The following RNF13 variants were observed in gnomAD, a reference collection of about 807,000 sequenced individuals.
RNF13 encodes the protein ring finger protein 13, also known as E3 ubiquitin-protein ligase RNF13.
In RNF13, 19 loss-of-function variants were observed where a neutral mutation model predicts 37.7. That is an observed-to-expected ratio of 0.50 (90% CI 0.35 to 0.74). RNF13 has a LOEUF of 0.74. Ranked by LOEUF, RNF13 falls within the 30% of genes least tolerant of loss-of-function variation. The pLI is 0.01. For synonymous variants in RNF13, 144 were observed against 157.8 expected (o/e 0.91, Z 0.65); for missense variants, 375 against 453.0 (o/e 0.83, Z 1.56).
intron 8 of RNF13, among the ~76,000 whole-genome samples, chr3:149,927,127 G>A (rs1025005668): frequency 1.3e-5 from 2 of 152,080 alleles, no homozygotes; most frequent in Non-Finnish European, 2.9e-5. Flanking sequence ...CTCTGTACCT[G>A]TTAAACAGTA....
At chr3:149,837,119 T>G (rs991084659) in intron 1 of RNF13, among the ~76,000 whole-genome samples, 4 of 152,210 alleles carry the variant, frequency 2.6e-5, no homozygotes, top group African/African-American at 9.6e-5. Context: ...TACTTTAAAA[T>G]TTTTTATATG....
At chr3:149,847,042 C>A (rs773243650) in intron 2 of RNF13, among the ~76,000 whole-genome samples, 4 of 152,114 alleles carry the variant, frequency 2.6e-5, no homozygotes, top group Non-Finnish European at 5.9e-5. Flanking sequence ...TAAGATAAGG[C>A]TTGACTAGTG....
At chr3:149,936,660 G>T (rs1420231892) in intron 8 of RNF13, among the ~76,000 whole-genome samples, 1 of 151,912 alleles carries the variant, frequency 6.6e-6, no homozygotes, top group Non-Finnish European at 1.5e-5. Flanking sequence ...CTCCAAAATT[G>T]CTATTTTGAA....
chr3:149,950,316 C>T (rs73868609), intron 8 of RNF13, among the ~76,000 whole-genome samples: 2,028 of 152,222 alleles, frequency 0.013, 41 homozygotes, highest in African/African-American at 0.046. Flanking sequence ...TCTCTTCAAG[C>T]TGTGTTTTTG....
chr3:149,861,885 T>G (rs1180665033), intron 3 of RNF13, among the ~76,000 whole-genome samples: 1 of 152,072 alleles, frequency 6.6e-6, no homozygotes, highest in Non-Finnish European at 1.5e-5. Context: ...TGTAACAAAT[T>G]ATCACACGCA....
chr3:149,875,327 A>T (rs1712560413), intron 4 of RNF13, among the ~76,000 whole-genome samples: 1 of 152,190 alleles, frequency 6.6e-6, no homozygotes. Context: ...GAAACAAGGA[A>T]TAAAAATTTA....
At chr3:149,922,762 G>A (rs541992335) in intron 8 of RNF13, among the ~76,000 whole-genome samples, 1 of 152,182 alleles carries the variant, frequency 6.6e-6, no homozygotes, top group African/African-American at 2.4e-5. Flanking sequence ...GGGACATTAG[G>A]AATTTTAATA....
In RNF13 at chr3:149,850,832, A is replaced by G. The variant is rs138709665; in HGVS notation, c.115-1684A>G. Among the ~76,000 whole-genome samples the G allele has an allele frequency of 3.7e-3, 561 of 152,316 alleles. 1 individual carries two copies. Among genetic ancestry groups the G allele is most frequent in the Non-Finnish European group, 6.2e-3 (424 of 68,028 alleles). ...GAATTAAATCAATTAAATGTGTTTT[A>G]ATTAAGAGATTAAACGATAGATTGT... On this transcript the variant is annotated intron_variant, in intron 2 of 9. Coordinates refer to ENST00000392894, the MANE Select transcript of RNF13 (RefSeq NM_183381.3).
rs746976982 is a variant in RNF13, at chr3:149,957,407, T to TA, written c.701-2646dup. On this transcript the variant is annotated intron_variant, in intron 8 of 9. Transcript: ENST00000392894. ...TGAGGGGAGCAACTAGCTTTTTTTT[T>TA]AAAGTATTTCTAATGCATTCAACCT... Among the ~76,000 whole-genome samples, 3 of 152,154 alleles carry TA rather than the reference T, an allele frequency of 2.0e-5. No homozygotes were observed. The East Asian group carries it at 5.8e-4, about 29-fold the overall frequency.
At chr3:149,839,892 G>A (rs1674739430) in intron 1 of RNF13, among the ~76,000 whole-genome samples, 1 of 152,242 alleles carries the variant, frequency 6.6e-6, no homozygotes, top group African/African-American at 2.4e-5. Flanking sequence ...CTCTTTTGAT[G>A]TGTAACAATT....
intron 8 of RNF13, chr3:149,939,500 G>GT (rs2108575664): frequency 1.7e-6 from 1 of 576,744 alleles, no homozygotes; most frequent in Non-Finnish European, 3.3e-6. Context: ...CACTTCAACC[G>GT]TAAGATCACC....
At chr3:149,873,149 A>G (rs544973064) in intron 4 of RNF13, among the ~76,000 whole-genome samples, 1 of 152,316 alleles carries the variant, frequency 6.6e-6, no homozygotes, top group South Asian at 2.1e-4. Flanking sequence ...TTAAAATTAA[A>G]TGTTATTGTA....
At chr3:149,891,005 A>T (rs566210271) in intron 4 of RNF13, among the ~76,000 whole-genome samples, 1 of 152,306 alleles carries the variant, frequency 6.6e-6, no homozygotes, top group East Asian at 1.9e-4. Context: ...GATTAATGTT[A>T]TCTGCATCTT....
intron 1 of RNF13, among the ~76,000 whole-genome samples, chr3:149,834,094 C>T (rs59408459): frequency 0.012 from 1,902 of 152,236 alleles, 38 homozygotes; most frequent in African/African-American, 0.043. Flanking sequence ...AATTGTAAGA[C>T]TTTGCTGAAA....
At chr3:149,824,476 A>C (rs1720282906) in intron 1 of RNF13, among the ~76,000 whole-genome samples, 1 of 152,274 alleles carries the variant, frequency 6.6e-6, no homozygotes, top group African/African-American at 2.4e-5. Flanking sequence ...CTGGCTTTGA[A>C]GATGGAAGAA....
intron 4 of RNF13, among the ~76,000 whole-genome samples, chr3:149,877,611 C>T (rs1044312420): frequency 6.6e-6 from 1 of 151,350 alleles, no homozygotes; most frequent in African/African-American, 2.4e-5. Context: ...CCAGAACATA[C>T]TCTGCACTAC....
chr3:149,904,435 C>T (rs571024989), intron 6 of RNF13, among the ~76,000 whole-genome samples: 1 of 152,130 alleles, frequency 6.6e-6, no homozygotes, highest in South Asian at 2.1e-4. Context: ...GGCTGGAGTG[C>T]AGTGGCATGG....
intron 3 of RNF13, among the ~76,000 whole-genome samples, chr3:149,854,464 A>G (rs760731677): frequency 7.9e-5 from 12 of 152,164 alleles, no homozygotes; most frequent in Admixed American, 2.6e-4. Context: ...TATAATTCAT[A>G]AATGGTTATC....
chr3:149,901,188 C>G (rs59772032), intron 5 of RNF13, among the ~76,000 whole-genome samples: 4,465 of 152,090 alleles, frequency 0.029, 75 homozygotes, highest in South Asian at 0.036. Context: ...GTTTTGTTTT[C>G]TTTTTCTTTA....
Sources: gnomAD v4.1 joint callset for allele counts (sites outside exome capture counted in the v4.1 genomes callset) on GRCh38, gnomAD v4.1.1 for gene constraint, MANE v1.5 for transcripts, NCBI Gene and HGNC (gene_info 2026-07-23, HGNC 2026-07-21) for gene names.